GRIK3: variants seen among roughly 807,000 people sequenced by gnomAD.
The protein encoded by GRIK3 is glutamate receptor ionotropic, kainate 3.
In GRIK3, 29 loss-of-function variants were observed where a neutral mutation model predicts 102.5. The ratio of observed to expected loss-of-function variants is 0.28; its 90% CI spans 0.21 to 0.39. GRIK3 has a LOEUF of 0.39. Ranked by LOEUF, GRIK3 falls within the 10% of genes least tolerant of loss-of-function variation. The probability of loss-of-function intolerance (pLI) is 1.00; values close to 1 mark genes in which losing one functional copy is unlikely to be tolerated. For missense variants in GRIK3, 908 were observed against 1,252.4 expected, an observed-to-expected ratio of 0.73 and a Z score of 4.15; for synonymous variants, 511 against 504.9, an observed-to-expected ratio of 1.01 and a Z score of -0.16.
chr1:36,799,775 C>T lies in GRIK3; in HGVS notation c.*2076G>A, dbSNP rs1046594655. The T allele has an allele frequency of 4.6e-5, 7 of 152,134 alleles. No individual in the cohort carries two copies. The highest frequency in any genetic ancestry group is 9.7e-5 in the African/African-American group (4 of 41,402). The allele number at this position is 152,134 out of a possible 1,614,324, so 9.4% of individuals were successfully genotyped here. A position where few individuals can be genotyped will look rare whatever the true frequency, so the allele number is the denominator to read the frequency against. On this transcript the variant is annotated 3_prime_UTR_variant, in exon 16 of 16. Coordinates refer to ENST00000373091, the MANE Select transcript of GRIK3 (RefSeq NM_000831.4). ...TCCCCAATTCACTCAGATACACATA[C>T]GCACGCATATGCACACATCAGATCC...
intron 1 of GRIK3, among the ~76,000 whole-genome samples, chr1:36,900,583 G>A (rs1460895008): frequency 2.0e-5 from 3 of 152,162 alleles, no homozygotes; most frequent in African/African-American, 7.2e-5. Context: ...AGCACTGAAT[G>A]CATAAAATAG....
At chr1:36,967,689 C>A (rs1046011477) in intron 1 of GRIK3, among the ~76,000 whole-genome samples, 1 of 152,198 alleles carries the variant, frequency 6.6e-6, no homozygotes, top group Non-Finnish European at 1.5e-5. Context: ...AGGTGAAGGG[C>A]AGAGGGTTAA....
intron 2 of GRIK3, among the ~76,000 whole-genome samples, chr1:36,883,973 TG>T (rs371867415): frequency 1.4e-3 from 216 of 152,254 alleles, no homozygotes; most frequent in African/African-American, 5.0e-3. Context: ...AAGGGCAAGG[TG>T]AAAGATATAG....
chr1:36,988,460 G>A (rs561085334), intron 1 of GRIK3, among the ~76,000 whole-genome samples: 162 of 152,346 alleles, frequency 1.1e-3, no homozygotes, highest in Middle Eastern at 3.4e-3. Context: ...ACCCAAGCCC[G>A]CCCAGAGGCC....
At chr1:37,019,440 T>TC (rs933230508) in intron 1 of GRIK3, among the ~76,000 whole-genome samples, 33 of 152,138 alleles carry the variant, frequency 2.2e-4, no homozygotes, top group Non-Finnish European at 1.0e-4. Context: ...TCATTACTCC[T>TC]CCCCAGGACT....
At chr1:36,978,171 C>T (rs942914303) in intron 1 of GRIK3, among the ~76,000 whole-genome samples, 1 of 152,254 alleles carries the variant, frequency 6.6e-6, no homozygotes, top group African/African-American at 2.4e-5. Context: ...GTACAAAATC[C>T]ATCAGTCAGT....
chr1:36,908,103 A>G (rs1641305723), intron 1 of GRIK3, among the ~76,000 whole-genome samples: 1 of 152,112 alleles, frequency 6.6e-6, no homozygotes, highest in Admixed American at 6.5e-5. Flanking sequence ...CAAAGGCTAG[A>G]TCTTGGCAGA....
At chr1:37,005,598 G>A (rs1440837832) in intron 1 of GRIK3, among the ~76,000 whole-genome samples, 3 of 152,192 alleles carry the variant, frequency 2.0e-5, no homozygotes, top group Non-Finnish European at 2.9e-5. Flanking sequence ...AGCACAGAAC[G>A]ATGGTGCACA....
At chr1:36,883,307 T>C (rs1641003710) in intron 2 of GRIK3, among the ~76,000 whole-genome samples, 1 of 152,214 alleles carries the variant, frequency 6.6e-6, no homozygotes, top group Non-Finnish European at 1.5e-5. Context: ...AGACTTCTCC[T>C]ACACAGTGAC....
At chr1:36,856,506 TGTCATGCAATCAGATGGGGAGACG>T (rs1238996965) in intron 7 of GRIK3, among the ~76,000 whole-genome samples, 5 of 152,136 alleles carry the variant, frequency 3.3e-5, no homozygotes, top group African/African-American at 1.2e-4. Context: ...AATGATTTAC[TGTCATGCAATCAGATGGGGAGACG>T]GGCAAGTTGG....
chr1:36,868,108 A>C (rs1020884335), intron 5 of GRIK3, among the ~76,000 whole-genome samples: 1 of 152,144 alleles, frequency 6.6e-6, no homozygotes, highest in Non-Finnish European at 1.5e-5. Flanking sequence ...TCAGCACCCT[A>C]AGATCTCAGG....
chr1:36,916,044 A>G (rs1641395507), intron 1 of GRIK3, among the ~76,000 whole-genome samples: 2 of 152,208 alleles, frequency 1.3e-5, no homozygotes, highest in Admixed American at 6.5e-5. Context: ...GGCTTCAACC[A>G]AAATGCTGAT....
Position 37,007,478 on chromosome 1 carries a change from TG to T in GRIK3, c.115+26515del, listed in dbSNP as rs560525052. Among the ~76,000 whole-genome samples, 417 of 151,916 alleles carry T rather than the reference TG, an allele frequency of 2.7e-3. 1 individual carries two copies. The highest frequency in any genetic ancestry group is 9.6e-3 in the African/African-American group (397 of 41,404). ...GGAGGTGGGATCCGATCTTGATGGG[TG>T]TTGGGAAGGGCCCTCCAGAGAAAGA... On this transcript the variant is annotated intron_variant, in intron 1 of 15. Coordinates refer to ENST00000373091, the MANE Select transcript of GRIK3 (RefSeq NM_000831.4).
rs1640578523 is a variant in GRIK3, at chr1:36,850,988, C to T, written c.1213-564G>A. ...TACAGCGTCCTTGTGGATATCGGGC[C>T]TGAGGCTAGAGGTAGAGAAGGAAAG... On this transcript the variant is annotated intron_variant, in intron 8 of 15. Coordinates refer to ENST00000373091, the MANE Select transcript of GRIK3 (RefSeq NM_000831.4). This position sits in a 1 kb window ranked among gnomAD's most constrained non-coding sequence, Gnocchi z 4.0. Among the ~76,000 whole-genome samples the T allele has an allele frequency of 6.6e-6, 1 of 152,184 alleles. No homozygotes were observed. Among genetic ancestry groups the T allele is most frequent in the Non-Finnish European group, 1.5e-5 (1 of 68,022 alleles).
Position 36,946,108 on chromosome 1 carries a change from A to C in GRIK3, c.116-55012T>G, listed in dbSNP as rs509044. ...CAGGATAGGGGCCAGGCCTGTGATCAGTGCAAAGCCAGGTGCCTGAAGTTC... is the reference window on the plus strand; with the variant it reads ...CAGGATAGGGGCCAGGCCTGTGATCCGTGCAAAGCCAGGTGCCTGAAGTTC... On this transcript the variant is annotated intron_variant, in intron 1 of 15. Transcript: ENST00000373091. Among the ~76,000 whole-genome samples, 1,290 of 152,366 alleles carry C rather than the reference A, an allele frequency of 8.5e-3. 19 individuals are homozygous for C. Among genetic ancestry groups the C allele is most frequent in the African/African-American group, 0.029 (1,217 of 41,590 alleles).
intron 13 of GRIK3, among the ~76,000 whole-genome samples, chr1:36,814,541 C>T (rs1169765831): frequency 7.5e-6 from 1 of 133,956 alleles, no homozygotes. Flanking sequence ...GACACATATG[C>T]ATGCATGGGC....
intron 1 of GRIK3, among the ~76,000 whole-genome samples, chr1:37,009,016 C>A (rs79081870): frequency 6.6e-6 from 1 of 151,958 alleles, no homozygotes. Context: ...TGCTGTGTGA[C>A]CTTGAGAAAG....
chr1:36,978,144 T>C (rs1218236333), intron 1 of GRIK3, among the ~76,000 whole-genome samples: 1 of 152,294 alleles, frequency 6.6e-6, no homozygotes, highest in Non-Finnish European at 1.5e-5. Context: ...ACCCTCGATG[T>C]AACCTTCACA....
intron 1 of GRIK3, among the ~76,000 whole-genome samples, chr1:36,941,578 C>T (rs1030330189): frequency 6.6e-6 from 1 of 152,118 alleles, no homozygotes; most frequent in East Asian, 1.9e-4. Context: ...TGTATAAAGG[C>T]GCCCCTCCCA....
Sources: allele counts gnomAD v4.1 joint callset (sites outside exome capture counted in the v4.1 genomes callset), GRCh38; gene constraint gnomAD v4.1.1; non-coding constraint Gnocchi (gnomAD v3.1); transcripts MANE v1.5; gene names NCBI Gene and HGNC (gene_info 2026-07-23, HGNC 2026-07-21).